The following GSDMA variants were observed in gnomAD, a reference collection of about 807,000 sequenced individuals.
GSDMA encodes the protein gasdermin-A.
Under a neutral mutation model 54.3 loss-of-function variants are expected in GSDMA, and 55 were observed. The observed-to-expected ratio is 1.01, with a 90% CI of 0.82 to 1.27. GSDMA has a LOEUF of 1.27. Among genes scored for constraint, GSDMA ranks in the 50% most tolerant of loss-of-function variants. GSDMA has a pLI of 0.00. For missense variants in GSDMA, 542 were observed against 542.6 expected, an observed-to-expected ratio of 1.00 and a Z score of 0.01; for synonymous variants, 211 against 224.7, an observed-to-expected ratio of 0.94 and a Z score of 0.54.
Position 39,965,836 on chromosome 17 carries a change from G to A in GSDMA, c.149G>A (p.Gly50Glu). Reference protein sequence around the residue: ...LRKRKSTLFWGARYVRTDYTL... With the variant: ...LRKRKSTLFWEARYVRTDYTL... ...AAGAGGAAGAGCACGCTCTTCTGGG[G>A]GGCCCGGTACGTCCGCACCGACTAC... Residue 50 changes from glycine (G) to glutamate (E), a missense_variant, in exon 2 of 12, where the codon GGG becomes GAG. Physicochemically the swap from Gly to Glu is moderately conservative, Grantham distance 98. Coordinates refer to ENST00000301659, the MANE Select transcript of GSDMA (RefSeq NM_178171.5). 6.3e-7 allele frequency: 1 copy of A among 1,578,600 alleles called. No homozygotes were observed. Among genetic ancestry groups the A allele is most frequent in the African/African-American group, 1.3e-5 (1 of 74,084 alleles).
At position 39,972,980 on chromosome 17, in the gene GSDMA, AT is replaced by A. The variant is rs989757913; in HGVS notation, c.730+376del. The stretch of plus-strand genomic sequence containing the variant: ...ACAATGTCTCTATTTAAAAAAAAAA[AT>A]TTTTTTTTGGATGGAGTTTCACTCT... On this transcript the variant is annotated intron_variant, in intron 7 of 11. Coordinates refer to ENST00000301659, the MANE Select transcript of GSDMA (RefSeq NM_178171.5). Among the ~76,000 whole-genome samples, 3 of 151,506 alleles carry A rather than the reference AT, an allele frequency of 2.0e-5. No homozygotes were observed. The East Asian group carries it at 5.8e-4, about 29-fold the overall frequency.
chr17:39,967,636 A>G (rs1979728114), intron 3 of GSDMA, among the ~76,000 whole-genome samples: 1 of 152,208 alleles, frequency 6.6e-6, no homozygotes, highest in South Asian at 2.1e-4. Flanking sequence ...GGGAAGAGGA[A>G]CAGGGGTTTG....
chr17:39,963,628 C>A (rs568499581), intron 1 of GSDMA, among the ~76,000 whole-genome samples: 11 of 152,176 alleles, frequency 7.2e-5, no homozygotes, highest in African/African-American at 1.9e-4. Context: ...GTGAGATGGG[C>A]GGATCACCTG....
chr17:39,968,184 C>G (rs1455662446), intron 3 of GSDMA, among the ~76,000 whole-genome samples: 1 of 151,578 alleles, frequency 6.6e-6, no homozygotes, highest in Non-Finnish European at 1.5e-5. Flanking sequence ...TAAGGTGGCT[C>G]GTGAGCCACC....
At chr17:39,965,519 C>CT in intron 1 of GSDMA, 164 bp from the exon 2 acceptor site, 1 of 611,012 alleles carries the variant, frequency 1.6e-6, no homozygotes, top group Non-Finnish European at 2.9e-6. Flanking sequence ...TGCAGACTCC[C>CT]TTGATTCTTT....
chr17:39,965,472 CT>C (rs1194579066), intron 1 of GSDMA: 3 of 567,556 alleles, frequency 5.3e-6, no homozygotes, highest in Admixed American at 3.0e-5. Context: ...TGGGGCAACT[CT>C]TTCAACTCTC....
intron 7 of GSDMA, 135 bp downstream of exon 7, chr17:39,972,748 G>T: frequency 1.2e-6 from 1 of 848,004 alleles, no homozygotes; most frequent in East Asian, 2.7e-5. Flanking sequence ...CCCGAAACAT[G>T]GCAGAAATTC....
intron 5 of GSDMA, 114 bp from the exon 6 acceptor site, chr17:39,972,015 C>A: frequency 1.5e-6 from 1 of 653,966 alleles, no homozygotes; most frequent in Non-Finnish European, 2.7e-6. Context: ...TTAAATGAAG[C>A]ATTTGGGGTG....
chr17:39,972,314 T>C, intron 6 of GSDMA, 138 bp downstream of exon 6: 1 of 632,538 alleles, frequency 1.6e-6, no homozygotes, highest in Non-Finnish European at 2.7e-6. Flanking sequence ...TCCCTAAGAA[T>C]ACCTAGCCTC....
chr17:39,967,753 A>C (rs1979733464), intron 3 of GSDMA, among the ~76,000 whole-genome samples: 1 of 151,968 alleles, frequency 6.6e-6, no homozygotes, highest in East Asian at 1.9e-4. Context: ...GCTCACCGCA[A>C]CCTCCGCCTC....
intron 2 of GSDMA, 147 bp from the exon 3 acceptor site, chr17:39,966,113 G>C (rs1979648994): frequency 2.3e-6 from 2 of 877,446 alleles, no homozygotes; most frequent in Admixed American, 5.3e-5. Context: ...TTTTTGTAGA[G>C]ATGGGTTCTT....
intron 1 of GSDMA, among the ~76,000 whole-genome samples, chr17:39,964,348 C>A (rs539450412): frequency 4.6e-5 from 7 of 152,210 alleles, no homozygotes; most frequent in African/African-American, 1.7e-4. Flanking sequence ...GAGGGCGGAT[C>A]ATTTGAGGTC....
chr17:39,977,287 C>CTTTTTTTTTTTTTTTTTTTTTTT lies in GSDMA; in HGVS notation c.*233_*234insTTTTTTTTTTTTTTTTTTTTTTT, dbSNP rs1245637112. On this transcript the variant is annotated 3_prime_UTR_variant, in exon 12 of 12. Transcript: ENST00000301659. Reference sequence around the variant, plus strand: ...TGATGCTTAAATTTTCTTTACTTTTCTTTTCTTTTTTTTTTTTTTTTTGAG... The same window carrying CTTTTTTTTTTTTTTTTTTTTTTT: ...TGATGCTTAAATTTTCTTTACTTTTCTTTTTTTTTTTTTTTTTTTTTTTTTTTCTTTTTTTTTTTTTTTTTGAG... 3.4e-6 allele frequency: 1 copy of CTTTTTTTTTTTTTTTTTTTTTTT among 291,040 alleles called. No individual in the cohort carries two copies. 18.0% of individuals were successfully genotyped at this position (291,040 alleles called of 1,614,324 possible). A position where few individuals can be genotyped will look rare whatever the true frequency, so the allele number is the denominator to read the frequency against.
intron 8 of GSDMA, 146 bp from the exon 9 acceptor site, chr17:39,974,127 G>A: frequency 1.1e-6 from 1 of 904,698 alleles, no homozygotes. Flanking sequence ...GCATTCCTTG[G>A]TAAAGAAAAA....
In GSDMA at chr17:39,966,426, C is replaced by T. The variant is rs371241348; in HGVS notation, c.381C>T (p.Thr127=). The T allele has an allele frequency of 2.6e-5, 42 of 1,605,232 alleles. No homozygotes were observed. Among genetic ancestry groups the T allele is most frequent in the Admixed American group, 1.7e-4 (10 of 57,234 alleles). ...TLSVAPKALE[T]VQERKLAADH... is the part of the protein sequence containing the mutation. ...GTGTGGCTCCCAAGGCCCTGGAGAC[C>T]GTGCAGGAGAGGTGAGAGTGGGCGG... The change falls in exon 3 of 12, where the codon ACC becomes ACT. Residue 127 remains threonine, a synonymous_variant. Coordinates refer to ENST00000301659, the MANE Select transcript of GSDMA (RefSeq NM_178171.5).
Position 39,974,904 on chromosome 17 carries a change from A to G in GSDMA, c.911A>G (p.Glu304Gly). Reference protein sequence around the residue: ...KELQDLELALEGALDKGHEVT... With the variant: ...KELQDLELALGGALDKGHEVT... ...GTCGCCCACCTTCCCCCACAGCTTG[A>G]AGGGGCTCTAGACAAGGGACATGAA... Residue 304 changes from glutamate to glycine, a missense_variant, in exon 10 of 12, where the codon GAA (glutamate) becomes GGA (glycine). Glu to Gly is a moderately conservative substitution (Grantham distance 98). Coordinates refer to ENST00000301659, the MANE Select transcript of GSDMA (RefSeq NM_178171.5). The G allele has an allele frequency of 6.3e-7, 1 of 1,595,086 alleles. No homozygotes were observed. Among genetic ancestry groups the G allele is most frequent in the Non-Finnish European group, 8.6e-7 (1 of 1,164,552 alleles).
At chr17:39,965,094 T>C (rs1979573699) in intron 1 of GSDMA, among the ~76,000 whole-genome samples, 3 of 150,428 alleles carry the variant, frequency 2.0e-5, no homozygotes, top group African/African-American at 7.4e-5. Flanking sequence ...CACTCCAACC[T>C]GGGCAACAGA....
chr17:39,972,615 T>C lies in GSDMA; in HGVS notation c.730+2T>C, dbSNP rs1479052164. The C allele has an allele frequency of 6.2e-7, 1 of 1,611,750 alleles. No individual in the cohort carries two copies. The highest frequency in any genetic ancestry group is 1.7e-5 in the Admixed American group (1 of 59,758). On this transcript the variant is annotated splice_donor_variant, in intron 7 of 11. Transcript: ENST00000301659. LOFTEE classifies it high-confidence loss of function. ...AGTCAGGAGAGGAGAAGGTCATCCG[T>C]AAGTGTTTCCTTTCATTCCACTGAA...
intron 5 of GSDMA, 35 bp downstream of exon 5, chr17:39,971,655 G>C (rs765836095): frequency 9.3e-6 from 14 of 1,505,694 alleles, no homozygotes; most frequent in Non-Finnish European, 1.3e-5. Context: ...CCCACAAGAT[G>C]AGAATTACCT....
Sources: allele counts gnomAD v4.1 joint callset (sites outside exome capture counted in the v4.1 genomes callset), GRCh38; gene constraint gnomAD v4.1.1; transcripts MANE v1.5; gene names NCBI Gene and HGNC (gene_info 2026-07-23, HGNC 2026-07-21).